Variants in DCDC1 observed in about 807,000 individuals in gnomAD.
DCDC1 encodes the protein doublecortin domain containing 1.
Under a neutral mutation model 178.3 loss-of-function variants are expected in DCDC1, and 200 were observed. That is an observed-to-expected ratio of 1.12 (90% CI 1.00 to 1.26). The LOEUF (loss-of-function observed/expected upper bound fraction) is 1.26. Ranked by LOEUF, DCDC1 falls within the 50% of genes most tolerant of loss-of-function variation. The pLI is 0.00. For missense variants in DCDC1, 1,983 were observed against 1,749.2 expected (o/e 1.13, Z -2.38); for synonymous variants, 690 against 604.8 (o/e 1.14, Z -2.07).
At chr11:30,951,991 C>T (rs1283550325) in intron 21 of DCDC1, among the ~76,000 whole-genome samples, 1 of 151,954 alleles carries the variant, frequency 6.6e-6, no homozygotes, top group Non-Finnish European at 1.5e-5. Flanking sequence ...TACTGGGAGC[C>T]CCTCTAAAAC....
At chr11:31,104,114 C>T (rs1332839070) in intron 13 of DCDC1, among the ~76,000 whole-genome samples, 1 of 152,108 alleles carries the variant, frequency 6.6e-6, no homozygotes, top group Non-Finnish European at 1.5e-5. Flanking sequence ...CTATAGTAAT[C>T]TTGGGAGCTG....
chr11:31,307,926 T>C lies in DCDC1; in HGVS notation c.165-18A>G. The stretch of plus-strand genomic sequence containing the variant: ...TAAACTCTCTGGAAGAAACAATGCA[T>C]GGAAGAATACAATTAATTGATTTGT... On this transcript the variant is annotated intron_variant, in intron 3 of 38. Transcript: ENST00000684477. 6.2e-7 allele frequency: 1 copy of C among 1,612,940 alleles called. No homozygotes were observed. The highest frequency in any genetic ancestry group is 8.5e-7 in the Non-Finnish European group (1 of 1,179,240).
intron 8 of DCDC1, among the ~76,000 whole-genome samples, chr11:31,253,986 A>G (rs1161287614): frequency 6.6e-6 from 1 of 152,198 alleles, no homozygotes; most frequent in Non-Finnish European, 1.5e-5. Flanking sequence ...GCTTTGACAT[A>G]TGCAAGTGTA....
In DCDC1 at chr11:31,179,567, A is replaced by G. The variant is rs929693512; in HGVS notation, c.1222-41783T>C. Among the ~76,000 whole-genome samples, 3 of 152,236 alleles carry G rather than the reference A, an allele frequency of 2.0e-5. No homozygotes were observed. The East Asian group carries it at 5.8e-4, about 29-fold the overall frequency. Reference sequence around the variant, plus strand: ...ACATCATGTTAAGTGAAATAAGCCAATCACAGATAGACAAATACCATATGA... The same window carrying G: ...ACATCATGTTAAGTGAAATAAGCCAGTCACAGATAGACAAATACCATATGA... On this transcript the variant is annotated intron_variant, in intron 9 of 38. Transcript: ENST00000684477.
At position 31,203,897 on chromosome 11, in the gene DCDC1, A is replaced by T. The variant is rs559938104; in HGVS notation, c.1221+37553T>A. 5.9e-5 allele frequency among the ~76,000 whole-genome samples: 9 copies of T among 152,356 alleles called. No individual in the cohort carries two copies. The South Asian group carries it at 1.9e-3, about 32-fold the overall frequency. On this transcript the variant is annotated intron_variant, in intron 9 of 38. Transcript: ENST00000684477. ...ATAAAAAATAAAATGTATGTCAGAAAACTTGTAAAACTCTCCTTGTGTACA... is the reference window on the plus strand; with the variant it reads ...ATAAAAAATAAAATGTATGTCAGAATACTTGTAAAACTCTCCTTGTGTACA...
chr11:31,079,152 T>A (rs1565255604), intron 17 of DCDC1, among the ~76,000 whole-genome samples: 1 of 152,108 alleles, frequency 6.6e-6, no homozygotes, highest in South Asian at 2.1e-4. Context: ...ACTGGAACTT[T>A]TAGTGTCCCT....
At chr11:30,968,621 A>G (rs961218798) in intron 20 of DCDC1, among the ~76,000 whole-genome samples, 31 of 145,982 alleles carry the variant, frequency 2.1e-4, no homozygotes, top group South Asian at 2.1e-4. Context: ...CAAAGTGTGT[A>G]TATATATATA....
Position 31,102,214 on chromosome 11 carries a change from T to C in DCDC1, c.1946A>G (p.Glu649Gly). The C allele has an allele frequency of 1.4e-6, 1 of 734,686 alleles. No homozygotes were observed. The highest frequency in any genetic ancestry group is 1.5e-5 in the South Asian group (1 of 68,600). The allele number at this position is 734,686 out of a possible 1,614,324, so 45.5% of individuals were successfully genotyped here. ...AAAATGGTTCTCCAAGTCCACCTTT[T>C]CAAACTGGTCAGGTATCTGTTGACT... ...CTSQQIPDQF[E>G]KVDLENHFLQ... Residue 649 changes from glutamate (E) to glycine (G), a missense_variant, in exon 15 of 39, where the codon GAA (glutamate) becomes GGA (glycine). Glu to Gly is a moderately conservative substitution (Grantham distance 98, BLOSUM62 -2). Transcript: ENST00000684477.
chr11:31,315,658 T>A (rs1255181479), intron 3 of DCDC1, among the ~76,000 whole-genome samples: 1 of 147,342 alleles, frequency 6.8e-6, no homozygotes, highest in Non-Finnish European at 1.5e-5. Context: ...TTTTTTTTTT[T>A]TTTTTTTTTA....
intron 20 of DCDC1, among the ~76,000 whole-genome samples, chr11:31,024,943 C>A (rs1055265080): frequency 3.3e-5 from 5 of 151,978 alleles, no homozygotes; most frequent in African/African-American, 1.2e-4. Context: ...TCTTTGTCTG[C>A]ATTTCCATTA....
At chr11:31,342,796 T>C (rs1392605973) in intron 1 of DCDC1, among the ~76,000 whole-genome samples, 11 of 152,208 alleles carry the variant, frequency 7.2e-5, no homozygotes, top group Admixed American at 7.2e-4. Context: ...GGTGTGTTTA[T>C]GATATAATCC....
chr11:31,180,350 C>A (rs1363401073), intron 9 of DCDC1, among the ~76,000 whole-genome samples: 4 of 152,220 alleles, frequency 2.6e-5, no homozygotes, highest in Admixed American at 2.6e-4. Flanking sequence ...TATCAAACTA[C>A]CCTGATTGGA....
rs530324583 is a variant in DCDC1, at chr11:31,157,366, A to AT, written c.1222-19583_1222-19582insA. ...GCAAGACCCTTTCTCAAAAAAAAAA[A>AT]AAAAAAATATATATATATATACATA... On this transcript the variant is annotated intron_variant, in intron 9 of 38. Coordinates refer to ENST00000684477, the MANE Select transcript of DCDC1 (RefSeq NM_001387274.1). Among the ~76,000 whole-genome samples, 851 of 96,730 alleles carry AT rather than the reference A, an allele frequency of 8.8e-3. 2 individuals are homozygous for AT. Among genetic ancestry groups the AT allele is most frequent in the East Asian group, 0.032 (52 of 1,612 alleles). 63.5% of individuals were successfully genotyped at this position (96,730 alleles called of 152,430 possible).
chr11:30,982,134 T>G (rs560034095), intron 20 of DCDC1, among the ~76,000 whole-genome samples: 8 of 152,320 alleles, frequency 5.3e-5, no homozygotes, highest in African/African-American at 1.9e-4. Flanking sequence ...GCAAAGAATT[T>G]TTATGTTTCA....
intron 1 of DCDC1, among the ~76,000 whole-genome samples, chr11:31,361,007 C>T (rs1035541055): frequency 6.6e-6 from 1 of 152,100 alleles, no homozygotes; most frequent in Non-Finnish European, 1.5e-5. Context: ...GAGACTGAAT[C>T]CCTTTTACTG....
intron 1 of DCDC1, among the ~76,000 whole-genome samples, chr11:31,344,338 C>T (rs1950705086): frequency 6.6e-6 from 1 of 152,146 alleles, no homozygotes; most frequent in Non-Finnish European, 1.5e-5. Flanking sequence ...CCTTTACTTC[C>T]TATTTCTTAA....
At chr11:31,264,336 T>C (rs920729516) in intron 8 of DCDC1, among the ~76,000 whole-genome samples, 1 of 152,014 alleles carries the variant, frequency 6.6e-6, no homozygotes, top group Non-Finnish European at 1.5e-5. Context: ...GGTGCATACA[T>C]ACAAAAAAGT....
chr11:31,161,537 A>G (rs1451452585), intron 9 of DCDC1, among the ~76,000 whole-genome samples: 30 of 152,082 alleles, frequency 2.0e-4, no homozygotes, highest in Non-Finnish European at 2.9e-5. Flanking sequence ...GTGATGCGGT[A>G]TTGATCAGAA....
chr11:31,010,116 A>G (rs1348358272), intron 20 of DCDC1, among the ~76,000 whole-genome samples: 1 of 152,144 alleles, frequency 6.6e-6, no homozygotes, highest in East Asian at 1.9e-4. Flanking sequence ...CACTCAGTCC[A>G]CTGATTCAAA....
Sources: gnomAD v4.1 joint callset for allele counts (sites outside exome capture counted in the v4.1 genomes callset) on GRCh38, gnomAD v4.1.1 for gene constraint, MANE v1.5 for transcripts, NCBI Gene and HGNC (gene_info 2026-07-23, HGNC 2026-07-21) for gene names.